The following FOXP2 variants were observed in gnomAD, a reference collection of about 807,000 sequenced individuals.
FOXP2 encodes the protein forkhead box P2.
Under a neutral mutation model 115.8 loss-of-function variants are expected in FOXP2, and 12 were observed. The observed-to-expected ratio is 0.10, with a 90% confidence interval of 0.07 to 0.17. FOXP2 has a LOEUF of 0.17. FOXP2 is among the 10% of genes least tolerant of loss of function. The pLI, the probability that FOXP2 is intolerant of heterozygous loss-of-function variation, is 1.00. For synonymous variants in FOXP2, 328 were observed against 297.7 expected (o/e 1.10, Z -1.05); for missense variants, 629 against 843.5 (o/e 0.75, Z 3.15).
chr7:114,676,075 ATTT>A (rs11327459), intron 16 of FOXP2, among the ~76,000 whole-genome samples: 227 of 89,556 alleles, frequency 2.5e-3, no homozygotes, highest in Admixed American at 4.0e-3. Context: ...AGGCCCGGCT[ATTT>A]TTTTTTTTTT....
intron 3 of FOXP2, chr7:114,560,892 T>C (rs1375889665): frequency 2.6e-5 from 4 of 152,176 alleles, no homozygotes; most frequent in Non-Finnish European, 4.4e-5. Context: ...TAAAAAATAA[T>C]AGTAGACTTT....
intron 3 of FOXP2, among the ~76,000 whole-genome samples, chr7:114,558,096 T>A (rs1800557575): frequency 6.6e-6 from 1 of 152,140 alleles, no homozygotes; most frequent in Non-Finnish European, 1.5e-5. Flanking sequence ...CGTGAGGCAC[T>A]GCACCCAGCC....
chr7:114,086,493 G>GC (rs958088980), upstream of FOXP2: 3 of 341,258 alleles, frequency 8.8e-6, no homozygotes, highest in East Asian at 1.5e-4. Flanking sequence ...CCCCGGGCGC[G>GC]CCCCCCACTC....
At chr7:114,174,130 A>G (rs1793223598) in intron 1 of FOXP2, among the ~76,000 whole-genome samples, 1 of 151,872 alleles carries the variant, frequency 6.6e-6, no homozygotes. Context: ...ATATGTAGGG[A>G]TAAGTGTGCA....
intron 2 of FOXP2, among the ~76,000 whole-genome samples, chr7:114,407,924 C>CTA (rs1457010952): frequency 2.0e-5 from 3 of 152,094 alleles, no homozygotes; most frequent in Non-Finnish European, 4.4e-5. Flanking sequence ...TCATCAAGGA[C>CTA]AGCTTTCTCA....
intron 3 of FOXP2, among the ~76,000 whole-genome samples, chr7:114,615,037 G>T (rs1351531013): frequency 6.6e-6 from 1 of 152,058 alleles, no homozygotes; most frequent in South Asian, 2.1e-4. Flanking sequence ...TGGCCAACAT[G>T]GTGAAACCCC....
chr7:114,650,315 T>G (rs1311915757), intron 8 of FOXP2, among the ~76,000 whole-genome samples: 1 of 152,106 alleles, frequency 6.6e-6, no homozygotes, highest in Non-Finnish European at 1.5e-5. Flanking sequence ...CTACTTATCT[T>G]GCTTCCTGCA....
At chr7:114,094,607 C>T (rs954393433) in intron 1 of FOXP2, among the ~76,000 whole-genome samples, 8 of 152,208 alleles carry the variant, frequency 5.3e-5, no homozygotes, top group Admixed American at 2.6e-4. Flanking sequence ...AAACTGAAGC[C>T]AGGCAAAGTG....
At chr7:114,110,499 T>C (rs1441811986) in intron 1 of FOXP2, among the ~76,000 whole-genome samples, 12 of 152,314 alleles carry the variant, frequency 7.9e-5, no homozygotes, top group Non-Finnish European at 8.8e-5. Flanking sequence ...ACCTTTTCTA[T>C]GTTTTTTTGC....
chr7:114,224,774 C>G (rs1225581700), intron 1 of FOXP2, among the ~76,000 whole-genome samples: 1 of 152,086 alleles, frequency 6.6e-6, no homozygotes, highest in Non-Finnish European at 1.5e-5. Context: ...TGGCCTCAAC[C>G]TCCGTAGTAG....
intron 2 of FOXP2, among the ~76,000 whole-genome samples, chr7:114,314,318 T>C (rs1409917076): frequency 1.3e-5 from 2 of 151,460 alleles, no homozygotes; most frequent in African/African-American, 4.8e-5. Context: ...CAGATATAAC[T>C]GTAAAAAGCT....
rs568849669 is a variant in FOXP2 at position 114,146,619 on chromosome 7, G to T, written c.-246-16325G>T. On this transcript the variant is annotated intron_variant, in intron 1 of 19. Transcript: ENST00000635638. Reference sequence around the variant, plus strand: ...TTCACACCTTTTAAGATGAAATTTTGACAGCATCTTTAGAATGTATTTGAA... The same window carrying T: ...TTCACACCTTTTAAGATGAAATTTTTACAGCATCTTTAGAATGTATTTGAA... 3.3e-5 allele frequency among the ~76,000 whole-genome samples: 5 copies of T among 152,234 alleles called. No homozygotes were observed. In the South Asian group the frequency reaches 1.0e-3, roughly 32 times the overall value.
chr7:114,208,473 A>G (rs931165912), intron 1 of FOXP2, among the ~76,000 whole-genome samples: 1 of 152,072 alleles, frequency 6.6e-6, no homozygotes, highest in African/African-American at 2.4e-5. Context: ...TGGACTGTGG[A>G]CTTCTGAGTT....
chr7:114,411,455 G>A (rs867351717), upstream of FOXP2, among the ~76,000 whole-genome samples: 2 of 151,996 alleles, frequency 1.3e-5, no homozygotes, highest in East Asian at 1.9e-4. Flanking sequence ...TAAGCATAAC[G>A]CTCAAAATAT....
At chr7:114,518,016 C>T (rs1294206359) in intron 2 of FOXP2, among the ~76,000 whole-genome samples, 1 of 151,978 alleles carries the variant, frequency 6.6e-6, no homozygotes, top group African/African-American at 2.4e-5. Context: ...AATATTTTAT[C>T]ATTTTCTATG....
chr7:114,267,668 G>A (rs891976669), intron 1 of FOXP2, among the ~76,000 whole-genome samples: 20 of 150,018 alleles, frequency 1.3e-4, no homozygotes, highest in African/African-American at 4.7e-4. Flanking sequence ...CAGAGGTTGC[G>A]GTGAGCCAAG....
intron 1 of FOXP2, among the ~76,000 whole-genome samples, chr7:114,096,095 C>T (rs955234684): frequency 1.3e-5 from 2 of 152,164 alleles, no homozygotes; most frequent in Non-Finnish European, 2.9e-5. Flanking sequence ...ACATATACAT[C>T]ATGCAACATA....
chr7:114,415,149 C>G lies in FOXP2; in HGVS notation c.-222C>G, dbSNP rs761418050. 1 of 454,134 alleles carries G rather than the reference C, an allele frequency of 2.2e-6. No homozygotes were observed. The highest frequency in any genetic ancestry group is 2.0e-5 in the African/African-American group (1 of 49,952). 28.1% of individuals were successfully genotyped at this position (454,134 alleles called of 1,614,324 possible). A position where few individuals can be genotyped will look rare whatever the true frequency, so the allele number is the denominator to read the frequency against. ...AGCACAAAATGCCATCAGTCTGGGACGTGATCGGGCAGAGGTGTACTCACA... is the reference window on the plus strand; with the variant it reads ...AGCACAAAATGCCATCAGTCTGGGAGGTGATCGGGCAGAGGTGTACTCACA... On this transcript the variant is annotated 5_prime_UTR_variant, in exon 1 of 17. Coordinates refer to ENST00000350908, the MANE Select transcript of FOXP2 (RefSeq NM_014491.4).
intron 1 of FOXP2, among the ~76,000 whole-genome samples, chr7:114,202,616 T>C (rs1374197052): frequency 6.6e-6 from 1 of 152,182 alleles, no homozygotes; most frequent in South Asian, 2.1e-4. Context: ...AGATTTTAGA[T>C]TGTTAACATC....
Sources: gnomAD v4.1 joint callset for allele counts (sites outside exome capture counted in the v4.1 genomes callset) on GRCh38, gnomAD v4.1.1 for gene constraint, MANE v1.5 for transcripts, NCBI Gene and HGNC (gene_info 2026-07-23, HGNC 2026-07-21) for gene names.